The following AHRR variants were observed in gnomAD, a reference collection of about 807,000 sequenced individuals.
AHRR encodes the protein aryl hydrocarbon receptor repressor, also known as ahR repressor.
In AHRR, 28 loss-of-function variants were observed where a neutral mutation model predicts 44.0. The observed-to-expected ratio is 0.64, with a 90% confidence interval of 0.47 to 0.87. AHRR has a LOEUF of 0.87. Among genes scored for constraint, AHRR ranks in the 40% least tolerant of loss-of-function variants. AHRR has a pLI of 0.00. For synonymous variants in AHRR, 434 were observed against 407.0 expected, an observed-to-expected ratio of 1.07 and a Z score of -0.80; for missense variants, 990 against 953.9, an observed-to-expected ratio of 1.04 and a Z score of -0.50.
At chr5:424,866 T>C (rs1435992875) in intron 7 of AHRR, among the ~76,000 whole-genome samples, 2 of 152,222 alleles carry the variant, frequency 1.3e-5, no homozygotes, top group Non-Finnish European at 2.9e-5. Context: ...CCATCGGACA[T>C]GTCAGGGCAA....
chr5:324,763 T>A (rs1741643715), intron 1 of AHRR, among the ~76,000 whole-genome samples: 1 of 152,102 alleles, frequency 6.6e-6, no homozygotes, highest in Non-Finnish European at 1.5e-5. Flanking sequence ...CACTCCAGCC[T>A]GGGCAACAAG....
intron 3 of AHRR, 51 bp from the exon 4 acceptor site, chr5:376,559 T>TGAATGAATGAGAACCGTGGGGTGAAGGCG: frequency 2.1e-5 from 5 of 241,084 alleles, no homozygotes; most frequent in South Asian, 3.7e-5. Context: ...TGAAGAAGAG[T>TGAATGAATGAGAACCGTGGGGTGAAGGCG]GGCCAGGCCA....
chr5:349,197 C>T (rs1742776793), intron 2 of AHRR, among the ~76,000 whole-genome samples: 1 of 152,214 alleles, frequency 6.6e-6, no homozygotes, highest in African/African-American at 2.4e-5. Flanking sequence ...TTTACATATT[C>T]TGGATATAAA....
intron 4 of AHRR, among the ~76,000 whole-genome samples, chr5:408,803 G>A (rs538284080): frequency 9.2e-4 from 140 of 152,102 alleles, no homozygotes; most frequent in Non-Finnish European, 4.6e-4. Context: ...TGTTAAAGCC[G>A]TCTGGGCCAG....
chr5:391,470 ACGGGGGCAGGGCGAGGCGGGCGCAGGG>A lies in AHRR; in HGVS notation c.351+14755_351+14781del, dbSNP rs1734448485. On this transcript the variant is annotated intron_variant, in intron 4 of 10. Transcript: ENST00000684583. ...AGGGCGAGGCAGGGCCAGAGCGTGC[ACGGGGGCAGGGCGAGGCGGGCGCAGGG>A]TGAGGCAGGGCCAGAGCGTGCATGG... is the stretch of plus-strand genomic sequence containing the variant. 9.9e-5 allele frequency among the ~76,000 whole-genome samples: 10 copies of A among 101,306 alleles called. No homozygotes were observed. The East Asian group carries it at 1.9e-3, about 19-fold the overall frequency. 66.5% of individuals were successfully genotyped at this position (101,306 alleles called of 152,430 possible). A position where few individuals can be genotyped will look rare whatever the true frequency, so the allele number is the denominator to read the frequency against.
intron 3 of AHRR, chr5:367,971 T>C: frequency 1.4e-6 from 1 of 702,250 alleles, no homozygotes; most frequent in South Asian, 1.5e-5. Flanking sequence ...TGATAGCCAC[T>C]GACCGCCTGT....
At chr5:409,169 A>AT (rs1324077040) in intron 4 of AHRR, among the ~76,000 whole-genome samples, 1 of 152,196 alleles carries the variant, frequency 6.6e-6, no homozygotes, top group Non-Finnish European at 1.5e-5. Context: ...GTAGGTTTCA[A>AT]TTTTTTAAAT....
At chr5:415,375 G>C (rs866248599) in intron 5 of AHRR, among the ~76,000 whole-genome samples, 2,112 of 103,426 alleles carry the variant, frequency 0.02, 26 homozygotes, top group African/African-American at 0.042. Flanking sequence ...CCCTGGTCGG[G>C]TGGGAGGCCT....
chr5:400,457 T>A (rs995678476), intron 4 of AHRR, among the ~76,000 whole-genome samples: 7 of 152,116 alleles, frequency 4.6e-5, no homozygotes, highest in African/African-American at 1.7e-4. Context: ...TAACAGCACA[T>A]GGATGTGATC....
In AHRR at chr5:419,825, AG is replaced by A. The variant is rs533584007; in HGVS notation, c.442-2899del. Reference sequence around the variant, plus strand: ...AATGTCATAAGGTCTCTAATTTAGAAGGGGGAAGACCCAGGTTTCTGGGTCT... The same window carrying A: ...AATGTCATAAGGTCTCTAATTTAGAAGGGGAAGACCCAGGTTTCTGGGTCT... On this transcript the variant is annotated intron_variant, in intron 5 of 10. Transcript: ENST00000684583. This position sits in a 1 kb window ranked among gnomAD's most constrained non-coding sequence, Gnocchi z 4.4. 8.5e-4 allele frequency among the ~76,000 whole-genome samples: 130 copies of A among 152,290 alleles called. No homozygotes were observed. The highest frequency in any genetic ancestry group is 1.5e-3 in the Non-Finnish European group (104 of 68,020).
At chr5:352,914 G>A (rs186923102) in intron 2 of AHRR, among the ~76,000 whole-genome samples, 26 of 151,672 alleles carry the variant, frequency 1.7e-4, no homozygotes, top group African/African-American at 5.8e-4. Flanking sequence ...CGTAGGGGAC[G>A]GTCACTCTGA....
Position 370,711 on chromosome 5 carries a change from C to A in AHRR, c.245-5899C>A, listed in dbSNP as rs1477891624. Among the ~76,000 whole-genome samples, 1 of 137,906 alleles carries A rather than the reference C, an allele frequency of 7.3e-6. No individual in the cohort carries two copies. Among genetic ancestry groups the A allele is most frequent in the African/African-American group, 2.8e-5 (1 of 36,048 alleles). The allele number at this position is 137,906 out of a possible 152,430, so 90.5% of individuals were successfully genotyped here. A position where few individuals can be genotyped will look rare whatever the true frequency, so the allele number is the denominator to read the frequency against. On this transcript the variant is annotated intron_variant, in intron 3 of 10. Coordinates refer to ENST00000684583, the MANE Select transcript of AHRR (RefSeq NM_001377236.1). The surrounding 1 kb of genome is among the most constrained non-coding windows in gnomAD (Gnocchi z 4.5). ...GGGTTGGGGACAGGTCTCGGGAAGG[C>A]ACAGGTGACAGTGTGGGGTGGAGGG...
At chr5:432,258 C>G in intron 8 of AHRR, 1 of 555,672 alleles carries the variant, frequency 1.8e-6, no homozygotes, top group Admixed American at 3.3e-5. Flanking sequence ...AGTGACGTGA[C>G]AATATTTTCA....
At chr5:412,911 G>A (rs1735528667) in intron 4 of AHRR, among the ~76,000 whole-genome samples, 1 of 152,098 alleles carries the variant, frequency 6.6e-6, no homozygotes, top group East Asian at 1.9e-4. Flanking sequence ...AGTAGAGACA[G>A]GGTTTCACCA....
intron 1 of AHRR, among the ~76,000 whole-genome samples, chr5:336,076 G>A (rs1742109772): frequency 6.6e-6 from 1 of 152,250 alleles, no homozygotes; most frequent in South Asian, 2.1e-4. Context: ...ATGGTGTCTT[G>A]CTCTAGCTGC....
intron 1 of AHRR, among the ~76,000 whole-genome samples, chr5:328,723 G>A (rs1278005520): frequency 6.6e-6 from 1 of 152,058 alleles, no homozygotes; most frequent in African/African-American, 2.4e-5. Flanking sequence ...TTTTTAATGG[G>A]ATCACTTGGG....
Position 387,188 on chromosome 5 carries a change from G to A in AHRR, c.351+10472G>A, listed in dbSNP as rs1358940679. On this transcript the variant is annotated intron_variant, in intron 4 of 10. Coordinates refer to ENST00000684583, the MANE Select transcript of AHRR (RefSeq NM_001377236.1). The surrounding 1 kb of genome is among the most constrained non-coding windows in gnomAD (Gnocchi z 5.1). Reference sequence around the variant, plus strand: ...GTTCCACACCTGCAGCTTGGGATGAGCCAGGACACGTGTCAGTTCGTACAC... The same window carrying A: ...GTTCCACACCTGCAGCTTGGGATGAACCAGGACACGTGTCAGTTCGTACAC... Among the ~76,000 whole-genome samples the A allele has an allele frequency of 6.6e-6, 1 of 152,246 alleles. No individual in the cohort carries two copies. The highest frequency in any genetic ancestry group is 2.4e-5 in the African/African-American group (1 of 41,452).
Position 387,725 on chromosome 5 carries a change from T to C in AHRR, c.351+11009T>C, listed in dbSNP as rs1221532984. ...GGACGCTCGTGTTTTCTGAGTGTGA[T>C]CGTGTGTCCATACGCTGTACCTGCC... On this transcript the variant is annotated intron_variant, in intron 4 of 10. Coordinates refer to ENST00000684583, the MANE Select transcript of AHRR (RefSeq NM_001377236.1). This position sits in a 1 kb window ranked among gnomAD's most constrained non-coding sequence, Gnocchi z 5.1. Among the ~76,000 whole-genome samples, 1 of 152,222 alleles carries C rather than the reference T, an allele frequency of 6.6e-6. No homozygotes were observed. The highest frequency in any genetic ancestry group is 1.5e-5 in the Non-Finnish European group (1 of 68,032).
intron 6 of AHRR, among the ~76,000 whole-genome samples, chr5:423,430 G>A (rs527490334): frequency 6.6e-6 from 1 of 152,262 alleles, no homozygotes; most frequent in African/African-American, 2.4e-5. Context: ...GAGGAGAGGC[G>A]ACACCTGCCC....
Sources: gnomAD v4.1 joint callset for allele counts (sites outside exome capture counted in the v4.1 genomes callset) on GRCh38, gnomAD v4.1.1 for gene constraint, Gnocchi (gnomAD v3.1) non-coding constraint, MANE v1.5 for transcripts, NCBI Gene and HGNC (gene_info 2026-07-23, HGNC 2026-07-21) for gene names.